Variants in JAG2 observed in about 807,000 individuals in gnomAD.
JAG2 encodes the protein jagged canonical Notch ligand 2, also known as protein jagged-2.
A neutral mutation model predicts 141.7 loss-of-function variants in JAG2; 46 were observed. That is an observed-to-expected ratio of 0.32 (90% CI 0.26 to 0.42). The LOEUF is 0.42. Ranked by LOEUF, JAG2 falls within the 10% of genes least tolerant of loss-of-function variation. The pLI is 1.00. For synonymous variants in JAG2, 862 were observed against 763.5 expected, an observed-to-expected ratio of 1.13 and a Z score of -2.13; for missense variants, 1,500 against 1,817.5, an observed-to-expected ratio of 0.83 and a Z score of 3.18.
chr14:105,154,715 C>T lies in JAG2; in HGVS notation c.788+847G>A, dbSNP rs905632436. 7.2e-5 allele frequency among the ~76,000 whole-genome samples: 11 copies of T among 152,064 alleles called. No homozygotes were observed. The highest frequency in any genetic ancestry group is 2.1e-4 in the South Asian group (1 of 4,826). On this transcript the variant is annotated intron_variant, in intron 5 of 25. Transcript: ENST00000331782. This position sits in a 1 kb window ranked among gnomAD's most constrained non-coding sequence, Gnocchi z 4.4. ...TGAATGCCACCCCCCACAGGCCCCG[C>T]GTGGCGCAGGCCAGGCCTCTCCCAC...
intron 16 of JAG2, 40 bp downstream of exon 16, chr14:105,148,286 T>TG: frequency 6.3e-7 from 1 of 1,591,906 alleles, no homozygotes. Flanking sequence ...GCCAGGGTCC[T>TG]GGGGGCAGCC....
intron 2 of JAG2, among the ~76,000 whole-genome samples, chr14:105,165,551 C>G (rs922661217): frequency 6.6e-6 from 1 of 152,178 alleles, no homozygotes; most frequent in African/African-American, 2.4e-5. Context: ...AAGCTGAGCC[C>G]GAGACCAGCA....
Position 105,143,121 on chromosome 14 carries a change from C to T in JAG2, c.3291G>A (p.Ala1097=), listed in dbSNP as rs199706267. Residue 1097 remains alanine, a synonymous_variant, in exon 26 of 26, where the codon GCG becomes GCA. Transcript: ENST00000331782. The part of the protein sequence containing the change: ...LCGAFSVLWL[A]CVVLCVWWTR... ...TCCACCACACGCACAGGACCACGCA[C>T]GCCAGCCACAGCACGCTGAAGGCAC... The T allele has an allele frequency of 1.1e-4, 171 of 1,598,930 alleles. No homozygotes were observed. The highest frequency in any genetic ancestry group is 2.4e-4 in the South Asian group (22 of 91,068).
intron 22 of JAG2, 132 bp from the exon 23 acceptor site, chr14:105,146,105 G>C: frequency 7.0e-7 from 1 of 1,432,228 alleles, no homozygotes; most frequent in Non-Finnish European, 9.4e-7. Flanking sequence ...GTGAGCCCCA[G>C]GGCCCAGCCC....
intron 3 of JAG2, among the ~76,000 whole-genome samples, chr14:105,157,173 C>T (rs1414255477): frequency 6.6e-6 from 1 of 152,180 alleles, no homozygotes; most frequent in Non-Finnish European, 1.5e-5. Flanking sequence ...GAGCCCGTGT[C>T]CTCTCAGTGG....
At chr14:105,158,153 C>G (rs994862503) in intron 2 of JAG2, among the ~76,000 whole-genome samples, 1 of 152,168 alleles carries the variant, frequency 6.6e-6, no homozygotes, top group Non-Finnish European at 1.5e-5. Flanking sequence ...AGCCGGGACC[C>G]GAGCGTTTCC....
rs1291260665 is a variant in JAG2, at chr14:105,150,923, G to A, written c.1382-12C>T. On this transcript the variant is annotated splice_polypyrimidine_tract_variant and intron_variant, in intron 10 of 25. Transcript: ENST00000331782. The stretch of plus-strand genomic sequence containing the variant: ...ACAGTCGTTGACGTCTGGGGGCAGA[G>A]GAGCAGGGTCAGAGGCGGGGTCCCA... The A allele has an allele frequency of 6.3e-7, 1 of 1,596,840 alleles. No homozygotes were observed. Among genetic ancestry groups the A allele is most frequent in the Non-Finnish European group, 8.5e-7 (1 of 1,172,184 alleles).
At chr14:105,161,291 C>T (rs1888740206) in intron 2 of JAG2, among the ~76,000 whole-genome samples, 1 of 151,848 alleles carries the variant, frequency 6.6e-6, no homozygotes, top group Admixed American at 6.5e-5. Flanking sequence ...GGACAGGAAC[C>T]AGCAGGACCA....
intron 2 of JAG2, among the ~76,000 whole-genome samples, chr14:105,163,460 G>A (rs1888817056): frequency 1.3e-5 from 2 of 152,090 alleles, no homozygotes; most frequent in South Asian, 2.1e-4. Flanking sequence ...TGGCAGCCAG[G>A]GCCGGCTAGC....
At chr14:105,164,084 C>CG (rs1234574397) in intron 2 of JAG2, among the ~76,000 whole-genome samples, 1 of 151,762 alleles carries the variant, frequency 6.6e-6, no homozygotes, top group East Asian at 1.9e-4. Context: ...CCAGGCCTGC[C>CG]GCCTGCTCCC....
chr14:105,146,178 C>G (rs1272240842), intron 22 of JAG2, among the ~76,000 whole-genome samples: 1 of 152,174 alleles, frequency 6.6e-6, no homozygotes, highest in Non-Finnish European at 1.5e-5. Context: ...GCAGGCGGAG[C>G]AAGGCAGGAC....
At chr14:105,148,883 A>AG (rs763375466) in intron 14 of JAG2, 25 bp from the exon 15 acceptor site, 1 of 1,589,284 alleles carries the variant, frequency 6.3e-7, no homozygotes, top group Non-Finnish European at 8.6e-7. Flanking sequence ...GGGGTGAGCC[A>AG]GGGCCTCAGG....
chr14:105,149,195 C>T lies in JAG2; in HGVS notation c.1728G>A (p.Glu576=), dbSNP rs776012109. The T allele has an allele frequency of 6.2e-7, 1 of 1,611,260 alleles. No homozygotes were observed. The highest frequency in any genetic ancestry group is 1.1e-5 in the South Asian group (1 of 91,058). The change falls in exon 13 of 26, where the codon GAG becomes GAA. Residue 576 remains glutamate (E), a synonymous_variant. Coordinates refer to ENST00000331782, the MANE Select transcript of JAG2 (RefSeq NM_002226.5). ...FGGKNCSVPR[E]PCPGGACRVI... ...CTCTGCAGGCCCCGCCAGGGCACGG[C>T]TCGCGGGGCACGGAGCAGTTCTTGC... is the stretch of plus-strand genomic sequence containing the variant.
chr14:105,161,711 G>T (rs587719001), intron 2 of JAG2, among the ~76,000 whole-genome samples: 1 of 152,116 alleles, frequency 6.6e-6, no homozygotes, highest in African/African-American at 2.4e-5. Context: ...CAGCCTCCAG[G>T]ACTTATTTGC....
rs747590410 is a variant in JAG2, at chr14:105,146,404, C to T, written c.2690G>A (p.Gly897Asp). 1.9e-6 allele frequency: 3 copies of T among 1,612,648 alleles called. No homozygotes were observed. ...CCTCACCTTGCTGCAGTCACGGCGG[C>T]CATCCAGGCAGCGGCAGCTGTTGCA... ...EDCNSCRCLD[G>D]RRDCSKVWCG... The change falls in exon 22 of 26, where the codon GGC (glycine) becomes GAC (aspartate). Residue 897 changes from glycine to aspartate, a missense_variant. Gly to Asp is a moderately conservative substitution (Grantham distance 94). Coordinates refer to ENST00000331782, the MANE Select transcript of JAG2 (RefSeq NM_002226.5).
intron 5 of JAG2, among the ~76,000 whole-genome samples, 166 bp downstream of exon 5, chr14:105,155,396 G>A (rs1399523227): frequency 6.6e-6 from 1 of 152,116 alleles, no homozygotes; most frequent in South Asian, 2.1e-4. Context: ...GCTCAGACAC[G>A]CACCTACTGC....
intron 12 of JAG2, among the ~76,000 whole-genome samples, 186 bp from the exon 13 acceptor site, chr14:105,149,506 A>G (rs1455726284): frequency 2.0e-5 from 3 of 151,838 alleles, no homozygotes. Flanking sequence ...AGCTGAACGC[A>G]GATACCTGTG....
chr14:105,150,076 T>G (rs1392326037), intron 12 of JAG2, among the ~76,000 whole-genome samples: 3 of 38,430 alleles, frequency 7.8e-5, no homozygotes, highest in Non-Finnish European at 9.3e-5. Context: ...AAGGGGGTGG[T>G]AGGGGTGGTG....
intron 5 of JAG2, among the ~76,000 whole-genome samples, 194 bp from the exon 6 acceptor site, chr14:105,152,485 C>G (rs1296621489): frequency 6.6e-6 from 1 of 152,208 alleles, no homozygotes; most frequent in East Asian, 1.9e-4. Context: ...TTCCCGGCCG[C>G]TGGCTGCCGA....
Sources: gnomAD v4.1 joint callset for allele counts (sites outside exome capture counted in the v4.1 genomes callset) on GRCh38, gnomAD v4.1.1 for gene constraint, Gnocchi (gnomAD v3.1) non-coding constraint, MANE v1.5 for transcripts, NCBI Gene and HGNC (gene_info 2026-07-23, HGNC 2026-07-21) for gene names.